Variants in AGMO observed in about 807,000 individuals in gnomAD.
AGMO encodes the protein alkylglycerol monooxygenase.
In AGMO, 75 loss-of-function variants were observed where a neutral mutation model predicts 60.2. That is an observed-to-expected ratio of 1.25 (90% CI 1.03 to 1.51). The LOEUF (loss-of-function observed/expected upper bound fraction) is 1.51, where lower values mean the gene tolerates loss of function less well. AGMO is among the 40% of genes most tolerant of loss of function. The pLI is 0.00. For missense variants in AGMO, 763 were observed against 525.5 expected, an observed-to-expected ratio of 1.45 and a Z score of -4.42; for synonymous variants, 261 against 177.1, an observed-to-expected ratio of 1.47 and a Z score of -3.76.
intron 6 of AGMO, among the ~76,000 whole-genome samples, chr7:15,393,011 G>T (rs1286093636): frequency 2.0e-5 from 3 of 152,170 alleles, no homozygotes; most frequent in African/African-American, 7.2e-5. Context: ...TAAACAGAAC[G>T]GCTATATGGG....
chr7:15,483,770 A>G (rs1448735078), intron 3 of AGMO, among the ~76,000 whole-genome samples: 1 of 152,214 alleles, frequency 6.6e-6, no homozygotes, highest in Non-Finnish European at 1.5e-5. Context: ...TGATTTATAA[A>G]TTCAATACAA....
chr7:15,544,995 T>TGTTATCTAA, intron 2 of AGMO, 72 bp from the exon 3 acceptor site: 1 of 1,100,042 alleles, frequency 9.1e-7, no homozygotes, highest in Non-Finnish European at 1.2e-6. Flanking sequence ...ATGTTTTAGA[T>TGTTATCTAA]AACATTTAAA....
intron 6 of AGMO, among the ~76,000 whole-genome samples, chr7:15,392,565 C>T (rs1383920683): frequency 2.0e-5 from 3 of 151,936 alleles, no homozygotes; most frequent in South Asian, 4.1e-4. Context: ...CTTTGGGAGG[C>T]CAAGGAGGAA....
At chr7:15,233,436 G>A (rs1468214976) in intron 12 of AGMO, among the ~76,000 whole-genome samples, 4 of 152,094 alleles carry the variant, frequency 2.6e-5, no homozygotes, top group East Asian at 1.9e-4. Flanking sequence ...GGGAGACTGA[G>A]GGAGGGATTC....
intron 12 of AGMO, among the ~76,000 whole-genome samples, chr7:15,268,046 A>G (rs1350927259): frequency 6.6e-6 from 1 of 151,948 alleles, no homozygotes; most frequent in Non-Finnish European, 1.5e-5. Context: ...GCATGATAAT[A>G]AAGAAATATT....
At chr7:15,499,988 A>T (rs1177912929) in intron 3 of AGMO, among the ~76,000 whole-genome samples, 3 of 150,754 alleles carry the variant, frequency 2.0e-5, no homozygotes, top group Non-Finnish European at 4.4e-5. Context: ...ATTTTGAAGT[A>T]AGAGTTAGTA....
chr7:15,287,469 T>TA (rs1204970719), intron 12 of AGMO, among the ~76,000 whole-genome samples: 16 of 152,246 alleles, frequency 1.1e-4, no homozygotes, highest in African/African-American at 2.9e-4. Flanking sequence ...CTTCTCTATT[T>TA]GGATCTTGTG....
the AGMO span, among the ~76,000 whole-genome samples, chr7:15,161,837 T>C: frequency 1.3e-5 from 2 of 152,224 alleles, no homozygotes; most frequent in African/African-American, 4.8e-5. Context: ...GTATGTGGCC[T>C]GCACAGATGA....
chr7:15,253,326 G>A (rs1782995656), intron 12 of AGMO, among the ~76,000 whole-genome samples: 1 of 152,138 alleles, frequency 6.6e-6, no homozygotes. Context: ...ATTTACCAAA[G>A]TTCTTTCTTT....
the AGMO span, among the ~76,000 whole-genome samples, chr7:15,187,297 A>G: frequency 6.6e-6 from 1 of 152,340 alleles, no homozygotes; most frequent in Non-Finnish European, 1.5e-5. Context: ...ATTTTCATTA[A>G]GAGATATTTC....
rs1563086911 is a variant in AGMO at position 15,322,731 on chromosome 7, TATAA to T, written c.1263+42779_1263+42782del. Among the ~76,000 whole-genome samples the T allele has an allele frequency of 5.3e-3, 673 of 126,856 alleles. 40 individuals carry two copies. The highest frequency in any genetic ancestry group is 0.019 in the African/African-American group (636 of 33,106). The allele number at this position is 126,856 out of a possible 152,430, so 83.2% of individuals were successfully genotyped here. On this transcript the variant is annotated intron_variant, in intron 12 of 12. Coordinates refer to ENST00000342526, the MANE Select transcript of AGMO (RefSeq NM_001004320.2). The stretch of plus-strand genomic sequence containing the variant: ...ATATATATAAATATATAAATATATA[TATAA>T]ATATATAAATATATATAAATATATA...
At chr7:15,483,649 T>G (rs936374667) in intron 3 of AGMO, among the ~76,000 whole-genome samples, 1 of 152,164 alleles carries the variant, frequency 6.6e-6, no homozygotes, top group Non-Finnish European at 1.5e-5. Context: ...GGAAAAGCCT[T>G]TTATACAAAC....
At chr7:15,344,021 T>G (rs574501495) in intron 12 of AGMO, among the ~76,000 whole-genome samples, 1 of 152,162 alleles carries the variant, frequency 6.6e-6, no homozygotes, top group Non-Finnish European at 1.5e-5. Flanking sequence ...TTTACAGATT[T>G]TGGAACTTAA....
chr7:15,251,673 A>C (rs993928985), intron 12 of AGMO, among the ~76,000 whole-genome samples: 1 of 152,214 alleles, frequency 6.6e-6, no homozygotes, highest in Non-Finnish European at 1.5e-5. Flanking sequence ...TAGGACAGGA[A>C]CCAGAGCTTA....
At chr7:15,477,664 GT>G (rs572099160) in intron 3 of AGMO, among the ~76,000 whole-genome samples, 2 of 152,202 alleles carry the variant, frequency 1.3e-5, no homozygotes, top group East Asian at 3.9e-4. Context: ...GTAACTTACT[GT>G]TTCAGATATC....
the AGMO span, among the ~76,000 whole-genome samples, chr7:15,138,493 T>G: frequency 2.0e-5 from 3 of 152,184 alleles, no homozygotes; most frequent in African/African-American, 4.8e-5. Context: ...TCATCAAGTT[T>G]AGTGATATAA....
At chr7:15,135,140 A>C in the AGMO span, among the ~76,000 whole-genome samples, 1 of 145,768 alleles carries the variant, frequency 6.9e-6, no homozygotes, top group South Asian at 2.2e-4. Flanking sequence ...AACATAGCTA[A>C]TCAAAATTTA....
intron 10 of AGMO, among the ~76,000 whole-genome samples, chr7:15,374,159 T>C (rs1783346320): frequency 6.6e-6 from 1 of 151,598 alleles, no homozygotes; most frequent in Non-Finnish European, 1.5e-5. Flanking sequence ...TATAATTATA[T>C]GTGAGTCTCA....
intron 10 of AGMO, among the ~76,000 whole-genome samples, chr7:15,371,889 A>G (rs1783232048): frequency 6.6e-6 from 1 of 150,814 alleles, no homozygotes; most frequent in Non-Finnish European, 1.5e-5. Flanking sequence ...CAACTAAATT[A>G]TTCAATCAAT....
Sources: allele counts gnomAD v4.1 joint callset (sites outside exome capture counted in the v4.1 genomes callset), GRCh38; gene constraint gnomAD v4.1.1; transcripts MANE v1.5; gene names NCBI Gene and HGNC (gene_info 2026-07-23, HGNC 2026-07-21).